The following CEP250 variants were observed in gnomAD, a reference collection of about 807,000 sequenced individuals.
The protein encoded by CEP250 is centrosome-associated protein CEP250.
Under a neutral mutation model 315.7 loss-of-function variants are expected in CEP250, and 242 were observed. The ratio of observed to expected loss-of-function variants is 0.77; its 90% CI spans 0.69 to 0.85. The LOEUF is 0.85. Among genes scored for constraint, CEP250 ranks in the 40% least tolerant of loss-of-function variants. The pLI, the probability that CEP250 is intolerant of heterozygous loss-of-function variation, is 0.00. For missense variants in CEP250, 2,515 were observed against 2,886.4 expected (o/e 0.87, Z 2.95); for synonymous variants, 1,088 against 1,175.0 (o/e 0.93, Z 1.51).
At position 35,494,478 on chromosome 20, in the gene CEP250, G is replaced by A. The variant is rs372313188; in HGVS notation, c.3034-46G>A. On this transcript the variant is annotated intron_variant, in intron 23 of 34. Transcript: ENST00000397527. ...CCTAGGTGAGGAGCATCTTCCCACC[G>A]GCCCCCTGCCCTGCCATCTTGGTCT... 112 of 1,609,898 alleles carry A rather than the reference G, an allele frequency of 7.0e-5. No homozygotes were observed. The South Asian group carries it at 1.1e-3, about 16-fold the overall frequency.
Position 35,476,492 on chromosome 20 carries a change from T to G in CEP250, c.1760T>G (p.Leu587Arg). 1 of 1,614,102 alleles carries G rather than the reference T, an allele frequency of 6.2e-7. No homozygotes were observed. Residue 587 changes from leucine to arginine, a missense_variant, in exon 16 of 35, where the codon CTG becomes CGG. Leu to Arg is a moderately radical substitution (Grantham distance 102). Transcript: ENST00000397527. ...GAGCTGTCGAGTTCTGAAAACACCC[T>G]GAAGACAGAAGTAGCTGATCTTCGG... ...IAELSSSENT[L>R]KTEVADLRAA...
Position 35,490,946 on chromosome 20 carries a change from G to C in CEP250, c.2754+142G>C. The C allele has an allele frequency of 4.0e-6, 4 of 1,004,492 alleles. 1 individual carries two copies. In the South Asian group the frequency reaches 6.5e-5, roughly 16 times the overall value. 62.2% of individuals were successfully genotyped at this position (1,004,492 alleles called of 1,614,324 possible). ...CTACCCACTTTGCTAACAGTGAGCA[G>C]GGTGGTCCGCACCATTAGCCACAGT... is the stretch of plus-strand genomic sequence containing the variant. On this transcript the variant is annotated intron_variant, in intron 21 of 34. Coordinates refer to ENST00000397527, the MANE Select transcript of CEP250 (RefSeq NM_007186.6).
At chr20:35,466,803 T>A (rs2062889580) in intron 7 of CEP250, among the ~76,000 whole-genome samples, 163 bp from the exon 8 acceptor site, 1 of 152,158 alleles carries the variant, frequency 6.6e-6, no homozygotes, top group Non-Finnish European at 1.5e-5. Context: ...CACTGCCAGC[T>A]TTATTAAGCC....
chr20:35,457,683 C>T (rs2062662264), intron 1 of CEP250, among the ~76,000 whole-genome samples: 1 of 152,098 alleles, frequency 6.6e-6, no homozygotes, highest in Non-Finnish European at 1.5e-5. Flanking sequence ...CTTGTAATCC[C>T]AGCTACTCAG....
intron 34 of CEP250, among the ~76,000 whole-genome samples, chr20:35,510,513 C>A (rs914459669): frequency 6.6e-6 from 1 of 152,216 alleles, no homozygotes; most frequent in African/African-American, 2.4e-5. Context: ...ACTTGAAGAG[C>A]CTTCCTGCCT....
chr20:35,501,809 C>G, intron 28 of CEP250, 36 bp from the exon 29 acceptor site: 1 of 1,515,880 alleles, frequency 6.6e-7, no homozygotes. Flanking sequence ...GGGTCTTACT[C>G]CACTACCTCT....
Position 35,510,055 on chromosome 20 carries a change from G to A in CEP250, c.7065+1G>A, listed in dbSNP as rs1378725788. The stretch of plus-strand genomic sequence containing the variant: ...GTGTGTGGCTGAACTGCAGAAAGAG[G>A]TATGTTCTGGATTTTCTAAGCCCAT... On this transcript the variant is annotated splice_donor_variant, in intron 34 of 34. Transcript: ENST00000397527. LOFTEE classifies it high-confidence loss of function. 6.2e-6 allele frequency: 10 copies of A among 1,614,040 alleles called. No individual in the cohort carries two copies. Among genetic ancestry groups the A allele is most frequent in the Admixed American group, 1.7e-5 (1 of 60,028 alleles).
In CEP250 at chr20:35,504,364, GCAA is replaced by G; in HGVS notation, c.5997_5999del (p.Thr2000del). On this transcript the variant is annotated inframe_deletion, in exon 30 of 35. Coordinates refer to ENST00000397527, the MANE Select transcript of CEP250 (RefSeq NM_007186.6). ...GAGCCGCAGTCTGGAGGCCAGCACT[GCAA>G]CCCTGCAAGCCTCCCTGGATGCCTG... 6.3e-7 allele frequency: 1 copy of G among 1,598,332 alleles called. No individual in the cohort carries two copies. The highest frequency in any genetic ancestry group is 1.1e-5 in the South Asian group (1 of 88,692).
Position 35,517,484 on chromosome 20 carries a change from T to C in CEP250, c.*5858T>C, listed in dbSNP as rs1036450206. On this transcript the variant is annotated 3_prime_UTR_variant, in exon 35 of 35. Transcript: ENST00000397527. ...TTTGGTTCCTCTTGAGGATAGAATCTATAGGAAAATGTAAGAGGGTTAAAA... is the reference window on the plus strand; with the variant it reads ...TTTGGTTCCTCTTGAGGATAGAATCCATAGGAAAATGTAAGAGGGTTAAAA... 6.6e-6 allele frequency: 1 copy of C among 152,252 alleles called. No homozygotes were observed. Among genetic ancestry groups the C allele is most frequent in the African/African-American group, 2.4e-5 (1 of 41,462 alleles). 9.4% of individuals were successfully genotyped at this position (152,252 alleles called of 1,614,324 possible). A position where few individuals can be genotyped will look rare whatever the true frequency, so the allele number is the denominator to read the frequency against.
chr20:35,490,589 C>T (rs1002397566), intron 20 of CEP250, 48 bp from the exon 21 acceptor site: 3 of 1,571,236 alleles, frequency 1.9e-6, no homozygotes, highest in Non-Finnish European at 2.6e-6. Flanking sequence ...ACCCCTGCCT[C>T]CCCTCCTCAC....
intron 5 of CEP250, among the ~76,000 whole-genome samples, chr20:35,465,420 CAAAAAAAA>C: frequency 1.7e-5 from 1 of 59,056 alleles, no homozygotes. Context: ...ACTCTGTCTC[CAAAAAAAA>C]AAAAAAAAAA....
At chr20:35,487,117 C>T (rs1328698503) in intron 20 of CEP250, among the ~76,000 whole-genome samples, 4 of 152,118 alleles carry the variant, frequency 2.6e-5, no homozygotes, top group South Asian at 4.1e-4. Context: ...TTAAAACTCT[C>T]GACAGCCTGT....
chr20:35,478,106 G>A lies in CEP250; in HGVS notation c.2094+5G>A. 1 of 1,596,640 alleles carries A rather than the reference G, an allele frequency of 6.3e-7. No homozygotes were observed. Among genetic ancestry groups the A allele is most frequent in the South Asian group, 1.1e-5 (1 of 90,326 alleles). On this transcript the variant is annotated splice_donor_5th_base_variant and intron_variant, in intron 17 of 34. Coordinates refer to ENST00000397527, the MANE Select transcript of CEP250 (RefSeq NM_007186.6). ...ATTCAAAAGAAACTAAGTGAGGTGA[G>A]AAGCCAAAATGGACACCATCATGTC...
rs1358187911 is a variant in CEP250 at position 35,513,542 on chromosome 20, G to A, written c.*1916G>A. ...CAAAATGTTGGGATTACGGGCATGA[G>A]CCACCGCGCCCGGCCCTTTAGGCCA... On this transcript the variant is annotated 3_prime_UTR_variant, in exon 35 of 35. Coordinates refer to ENST00000397527, the MANE Select transcript of CEP250 (RefSeq NM_007186.6). 8 of 152,348 alleles carry A rather than the reference G, an allele frequency of 5.3e-5. No homozygotes were observed. The East Asian group carries it at 1.5e-3, about 29-fold the overall frequency. The allele number at this position is 152,348 out of a possible 1,614,324, so 9.4% of individuals were successfully genotyped here. A position where few individuals can be genotyped will look rare whatever the true frequency, so the allele number is the denominator to read the frequency against.
intron 33 of CEP250, 143 bp from the exon 34 acceptor site, chr20:35,509,855 G>A: frequency 1.4e-6 from 1 of 732,866 alleles, no homozygotes; most frequent in Non-Finnish European, 2.4e-6. Flanking sequence ...CTGCCCCATA[G>A]ACGTCCAGTC....
chr20:35,463,702 C>A, intron 5 of CEP250, 71 bp downstream of exon 5: 2 of 1,337,880 alleles, frequency 1.5e-6, no homozygotes, highest in East Asian at 2.6e-5. Flanking sequence ...CATTTGTTGA[C>A]TGAGGGAGGT....
At chr20:35,487,136 G>A (rs2063535032) in intron 20 of CEP250, among the ~76,000 whole-genome samples, 1 of 152,080 alleles carries the variant, frequency 6.6e-6, no homozygotes, top group African/African-American at 2.4e-5. Context: ...GTTCGTTTTA[G>A]CAGTGACTGC....
At chr20:35,492,498 GA>G (rs923836521) in intron 22 of CEP250, among the ~76,000 whole-genome samples, 4 of 149,520 alleles carry the variant, frequency 2.7e-5, no homozygotes, top group East Asian at 1.9e-4. Context: ...CAAGCCATTT[GA>G]AAAAAAAAAT....
intron 28 of CEP250, among the ~76,000 whole-genome samples, chr20:35,501,290 T>C (rs2063994387): frequency 6.6e-6 from 1 of 152,006 alleles, no homozygotes; most frequent in South Asian, 2.1e-4. Flanking sequence ...TGAGCCGAGA[T>C]TGTGCCACTG....
Sources: gnomAD v4.1 joint callset for allele counts (sites outside exome capture counted in the v4.1 genomes callset) on GRCh38, gnomAD v4.1.1 for gene constraint, MANE v1.5 for transcripts, NCBI Gene and HGNC (gene_info 2026-07-23, HGNC 2026-07-21) for gene names.